Variants in ARHGAP21 observed in about 807,000 individuals in gnomAD.
The protein encoded by ARHGAP21 is rho GTPase-activating protein 21.
In ARHGAP21, 38 loss-of-function variants were observed where a neutral mutation model predicts 164.6. The ratio of observed to expected loss-of-function variants is 0.23; its 90% CI spans 0.18 to 0.30. The LOEUF (loss-of-function observed/expected upper bound fraction) is 0.30. ARHGAP21 is among the 10% of genes least tolerant of loss of function. The pLI, the probability that ARHGAP21 is intolerant of heterozygous loss-of-function variation, is 1.00. For synonymous variants in ARHGAP21, 766 were observed against 857.9 expected (o/e 0.89, Z 1.87); for missense variants, 1,822 against 2,370.7 (o/e 0.77, Z 4.81).
chr10:24,698,825 T>G (rs1843393033), intron 2 of ARHGAP21, among the ~76,000 whole-genome samples: 1 of 152,254 alleles, frequency 6.6e-6, no homozygotes, highest in Admixed American at 6.5e-5. Context: ...TAAATGACAG[T>G]AATGATGCCA....
Position 24,619,741 on chromosome 10 carries a change from T to A in ARHGAP21, c.2154A>T (p.Leu718Phe), listed in dbSNP as rs1228196971. 1 of 1,614,050 alleles carries A rather than the reference T, an allele frequency of 6.2e-7. No homozygotes were observed. The highest frequency in any genetic ancestry group is 8.5e-7 in the Non-Finnish European group (1 of 1,180,036). Reference sequence around the variant, plus strand: ...CTGATTGCTCAGTTTCAGCCTCTTGTAAACTTAAATCTTGATTCCTTTGAC... The same window carrying A: ...CTGATTGCTCAGTTTCAGCCTCTTGAAAACTTAAATCTTGATTCCTTTGAC... ...PVSQRNQDLS[L>F]QEAETEQSDT... Residue 718 changes from leucine to phenylalanine, a missense_variant, in exon 9 of 26, where the codon TTA becomes TTT. By Grantham distance (22) the Leu-to-Phe change is conservative. Around this residue, in one of 5 missense-constraint regions of ARHGAP21, gnomAD observed 1,090 missense variants for 1,378.9 expected, o/e 0.79. Coordinates refer to ENST00000396432, the MANE Select transcript of ARHGAP21 (RefSeq NM_020824.4).
intron 2 of ARHGAP21, among the ~76,000 whole-genome samples, chr10:24,721,374 C>A (rs1845913829): frequency 6.6e-6 from 1 of 152,212 alleles, no homozygotes; most frequent in Non-Finnish European, 1.5e-5. Context: ...AGACTCCCCT[C>A]GTCAGTACCA....
chr10:24,592,065 G>A (rs561488306), intron 21 of ARHGAP21, 53 bp from the exon 22 acceptor site: 3 of 1,391,570 alleles, frequency 2.2e-6, no homozygotes, highest in Non-Finnish European at 2.8e-6. Flanking sequence ...AAGGAAGTAG[G>A]CTGAAATTGC....
At chr10:24,666,178 C>T (rs545894811) in intron 4 of ARHGAP21, among the ~76,000 whole-genome samples, 22 of 152,146 alleles carry the variant, frequency 1.4e-4, no homozygotes, top group African/African-American at 4.8e-4. Flanking sequence ...TACAGGCGCC[C>T]GCCACCACAC....
Position 24,591,337 on chromosome 10 carries a change from T to G in ARHGAP21, c.4045-7A>C. 6.3e-7 allele frequency: 1 copy of G among 1,596,186 alleles called. No individual in the cohort carries two copies. ...TTTCCTCCTGCACTGTTGTCTATGG[T>G]TAATAAACAAAGATCTCTTCATCAT... is the stretch of plus-strand genomic sequence containing the variant. On this transcript the variant is annotated splice_polypyrimidine_tract_variant and splice_region_variant and intron_variant, in intron 23 of 25. Transcript: ENST00000396432.
At chr10:24,665,677 A>G (rs1840119841) in intron 4 of ARHGAP21, among the ~76,000 whole-genome samples, 1 of 152,244 alleles carries the variant, frequency 6.6e-6, no homozygotes, top group Non-Finnish European at 1.5e-5. Flanking sequence ...CTTAATTGGG[A>G]TAGTGATTTC....
intron 2 of ARHGAP21, among the ~76,000 whole-genome samples, chr10:24,680,501 C>A (rs1395819200): frequency 6.6e-6 from 1 of 152,102 alleles, no homozygotes; most frequent in African/African-American, 2.4e-5. Context: ...GGGCTCTTTA[C>A]ACAAACAGAG....
chr10:24,652,678 T>C (rs1483297902), intron 4 of ARHGAP21, among the ~76,000 whole-genome samples: 1 of 152,206 alleles, frequency 6.6e-6, no homozygotes, highest in Non-Finnish European at 1.5e-5. Context: ...ATCAACCTCA[T>C]TAGTCTTCAG....
chr10:24,593,602 C>CATAAAATACCATACCCCATCT (rs2076437830), intron 21 of ARHGAP21, among the ~76,000 whole-genome samples: 3 of 151,930 alleles, frequency 2.0e-5, no homozygotes, highest in Non-Finnish European at 4.4e-5. Context: ...AAAGATATTC[C>CATAAAATACCATACCCCATCT]ATAAAATACC....
intron 2 of ARHGAP21, among the ~76,000 whole-genome samples, chr10:24,704,001 T>C (rs187578986): frequency 1.4e-4 from 22 of 152,340 alleles, no homozygotes; most frequent in Admixed American, 1.0e-3. Context: ...CACGTTAACA[T>C]GAAAATTCAA....
At chr10:24,651,190 A>G (rs1283813822) in intron 4 of ARHGAP21, among the ~76,000 whole-genome samples, 1 of 152,174 alleles carries the variant, frequency 6.6e-6, no homozygotes, top group Admixed American at 6.5e-5. Context: ...CTTTGGATCC[A>G]TCACCATGTT....
At chr10:24,697,774 C>T (rs1031410593) in intron 2 of ARHGAP21, among the ~76,000 whole-genome samples, 1 of 151,996 alleles carries the variant, frequency 6.6e-6, no homozygotes. Context: ...GCAGGAGAAT[C>T]GCTTGAACCT....
chr10:24,593,491 C>T (rs146870128), intron 21 of ARHGAP21, among the ~76,000 whole-genome samples: 18 of 151,878 alleles, frequency 1.2e-4, no homozygotes, highest in African/African-American at 3.9e-4. Flanking sequence ...ATGTATACAC[C>T]GTAATATTTT....
chr10:24,584,715 T>C lies in ARHGAP21; in HGVS notation c.5574A>G (p.Leu1858=), dbSNP rs2076028578. 6.8e-6 allele frequency: 11 copies of C among 1,613,986 alleles called. No individual in the cohort carries two copies. The highest frequency in any genetic ancestry group is 9.3e-6 in the Non-Finnish European group (11 of 1,179,870). The change falls in exon 26 of 26, where the codon CTA becomes CTG. Residue 1858 remains leucine, a synonymous_variant. Coordinates refer to ENST00000396432, the MANE Select transcript of ARHGAP21 (RefSeq NM_020824.4). ...SISDWLARER[L]RTSTSDLSRG... ...TGCTAAGGTCAGAGGTACTGGTGCGTAGGCGTTCCCTGGCCAGCCAGTCTG... is the reference window on the plus strand; with the variant it reads ...TGCTAAGGTCAGAGGTACTGGTGCGCAGGCGTTCCCTGGCCAGCCAGTCTG...
At chr10:24,624,421 C>G (rs1834890511) in intron 7 of ARHGAP21, among the ~76,000 whole-genome samples, 1 of 142,448 alleles carries the variant, frequency 7.0e-6, no homozygotes, top group Non-Finnish European at 1.5e-5. Context: ...CTCACTGCAA[C>G]CTGTGCCTCC....
At chr10:24,677,542 A>AACTTATC (rs1434650986) in intron 2 of ARHGAP21, among the ~76,000 whole-genome samples, 1 of 152,244 alleles carries the variant, frequency 6.6e-6, no homozygotes, top group African/African-American at 2.4e-5. Flanking sequence ...ATTTGAAACT[A>AACTTATC]ACTTATCATA....
intron 2 of ARHGAP21, among the ~76,000 whole-genome samples, chr10:24,681,521 T>C (rs540030216): frequency 1.3e-5 from 2 of 152,324 alleles, no homozygotes; most frequent in South Asian, 2.1e-4. Context: ...CCAGGAATCA[T>C]TCATAAGACC....
rs147405227 is a variant in ARHGAP21 at position 24,673,477 on chromosome 10, C to T, written c.64-3080G>A. 1.9e-3 allele frequency among the ~76,000 whole-genome samples: 293 copies of T among 152,294 alleles called. 2 individuals are homozygous for T. Among genetic ancestry groups the T allele is most frequent in the African/African-American group, 6.7e-3 (280 of 41,562 alleles). ...AATACAAATACTTGTAAACACAAAT[C>T]GCCCTGGAACAACTGTGTGGAGGCT... is the stretch of plus-strand genomic sequence containing the variant. On this transcript the variant is annotated intron_variant, in intron 2 of 25. Transcript: ENST00000396432.
intron 24 of ARHGAP21, chr10:24,590,222 A>G: frequency 6.9e-7 from 1 of 1,459,734 alleles, no homozygotes; most frequent in Non-Finnish European, 9.0e-7. Context: ...ATTTCTCCTC[A>G]GGGTCTGCTT....
Sources: gnomAD v4.1 joint callset for allele counts (sites outside exome capture counted in the v4.1 genomes callset) on GRCh38, gnomAD v4.1.1 for gene constraint, gnomAD v4.1.1 regional missense constraint, MANE v1.5 for transcripts, NCBI Gene and HGNC (gene_info 2026-07-23, HGNC 2026-07-21) for gene names.